MIEF2: variants seen among roughly 807,000 people sequenced by gnomAD.
The protein encoded by MIEF2 is mitochondrial elongation factor 2.
Under a neutral mutation model 7.4 loss-of-function variants are expected in MIEF2, and 1 was observed. That is an observed-to-expected ratio of 0.14 (90% CI 0.05 to 0.64). MIEF2 has a LOEUF of 0.64. MIEF2 is among the 30% of genes least tolerant of loss of function. The pLI is 0.85. For missense variants in MIEF2, 569 were observed against 623.9 expected, an observed-to-expected ratio of 0.91 and a Z score of 0.94; for synonymous variants, 275 against 290.5, an observed-to-expected ratio of 0.95 and a Z score of 0.54.
Position 18,262,881 on chromosome 17 carries a change from G to A in MIEF2, c.147+14G>A, listed in dbSNP as rs1402238421. ...GCCGTGAAGCGGGTAAGGCCAAGTGGGCGGGTCATGCCTGAAGCTCCTAGA... is the reference window on the plus strand; with the variant it reads ...GCCGTGAAGCGGGTAAGGCCAAGTGAGCGGGTCATGCCTGAAGCTCCTAGA... On this transcript the variant is annotated intron_variant, in intron 2 of 3. Coordinates refer to ENST00000323019, the MANE Select transcript of MIEF2 (RefSeq NM_139162.4). 2 of 1,532,946 alleles carry A rather than the reference G, an allele frequency of 1.3e-6. No homozygotes were observed. Among genetic ancestry groups the A allele is most frequent in the Non-Finnish European group, 1.8e-6 (2 of 1,139,688 alleles). 95.0% of individuals were successfully genotyped at this position (1,532,946 alleles called of 1,614,324 possible).
In MIEF2 at chr17:18,264,038, G is replaced by A; in HGVS notation, c.639G>A (p.Val213=). The part of the protein sequence containing the change: ...EPGLWSLVPG[V]DTVARDPRCW... ...GCCTGTGGAGCCTGGTGCCGGGCGT[G>A]GACACTGTGGCGAGGGACCCTCGCT... Residue 213 remains valine, a synonymous_variant, in exon 4 of 4, where the codon GTG becomes GTA. Coordinates refer to ENST00000323019, the MANE Select transcript of MIEF2 (RefSeq NM_139162.4). 6.4e-7 allele frequency: 1 copy of A among 1,555,148 alleles called. No individual in the cohort carries two copies. Among genetic ancestry groups the A allele is most frequent in the Non-Finnish European group, 8.7e-7 (1 of 1,154,146 alleles).
rs1207440142 is a variant in MIEF2 at position 18,265,791 on chromosome 17, G to A, written c.*1027G>A. The A allele has an allele frequency of 1.3e-5, 2 of 152,506 alleles. No homozygotes were observed. The highest frequency in any genetic ancestry group is 2.9e-5 in the Non-Finnish European group (2 of 68,054). The allele number at this position is 152,506 out of a possible 1,614,324, so 9.4% of individuals were successfully genotyped here. A position where few individuals can be genotyped will look rare whatever the true frequency, so the allele number is the denominator to read the frequency against. On this transcript the variant is annotated 3_prime_UTR_variant, in exon 4 of 4. Transcript: ENST00000323019. ...TCTAATGTATATATAACTCAGGCTGGATAAGGGAGTCTTGGTGCTTTCATA... is the reference window on the plus strand; with the variant it reads ...TCTAATGTATATATAACTCAGGCTGAATAAGGGAGTCTTGGTGCTTTCATA...
intron 1 of MIEF2, 128 bp downstream of exon 1, chr17:18,260,865 G>A (rs974434823): frequency 1.1e-5 from 6 of 526,410 alleles, no homozygotes; most frequent in Middle Eastern, 5.0e-4. Flanking sequence ...ACCTTTGGGG[G>A]ACCAAGGGCA....
At position 18,264,239 on chromosome 17, in the gene MIEF2, G is replaced by T; in HGVS notation, c.840G>T (p.Arg280=). 6.2e-7 allele frequency: 1 copy of T among 1,604,048 alleles called. No individual in the cohort carries two copies. The part of the protein sequence containing the change: ...AIGSLLGCLI[R]PSMASEELLL... ...GCAGCCTTCTCGGGTGCCTGATCCGGCCCAGCATGGCCTCGGAGGAGCTGC... is the reference window on the plus strand; with the variant it reads ...GCAGCCTTCTCGGGTGCCTGATCCGTCCCAGCATGGCCTCGGAGGAGCTGC... The change falls in exon 4 of 4, where the codon CGG becomes CGT. Residue 280 remains arginine, a synonymous_variant. Coordinates refer to ENST00000323019, the MANE Select transcript of MIEF2 (RefSeq NM_139162.4).
chr17:18,261,387 C>T (rs1482231202), intron 1 of MIEF2, among the ~76,000 whole-genome samples: 1 of 152,184 alleles, frequency 6.6e-6, no homozygotes, highest in East Asian at 1.9e-4. Context: ...CTTCAGGCTT[C>T]AGCTACTCCA....
At chr17:18,263,462 TC>T in intron 3 of MIEF2, 1 of 872,484 alleles carries the variant, frequency 1.1e-6, no homozygotes, top group Non-Finnish European at 1.9e-6. Context: ...GAAACTGAGG[TC>T]CAGAGGGGCG....
Position 18,264,590 on chromosome 17 carries a change from G to A in MIEF2, c.1191G>A (p.Leu397=). The A allele has an allele frequency of 6.2e-7, 1 of 1,610,906 alleles. No homozygotes were observed. The highest frequency in any genetic ancestry group is 1.1e-5 in the South Asian group (1 of 91,086). The change falls in exon 4 of 4, where the codon TTG becomes TTA. Residue 397 remains leucine, a synonymous_variant. Transcript: ENST00000323019. The part of the protein sequence containing the change: ...EDNVDWTEEA[L]GERFLQALEL... Reference sequence around the variant, plus strand: ...ACGTGGATTGGACGGAGGAGGCCTTGGGTGAGCGCTTCCTGCAAGCCCTGG... The same window carrying A: ...ACGTGGATTGGACGGAGGAGGCCTTAGGTGAGCGCTTCCTGCAAGCCCTGG...
At chr17:18,262,888 C>G (rs1257670199) in intron 2 of MIEF2, 21 bp downstream of exon 2, 48 of 1,530,672 alleles carry the variant, frequency 3.1e-5, no homozygotes, top group Non-Finnish European at 4.1e-5. Flanking sequence ...GTGGGCGGGT[C>G]ATGCCTGAAG....
At position 18,265,032 on chromosome 17, in the gene MIEF2, C is replaced by A; in HGVS notation, c.*268C>A. ...CATTCCTGCAAGCACCGTTTCAGCT[C>A]TTGGGGCCAACCCCAGGACCTTTGG... On this transcript the variant is annotated 3_prime_UTR_variant, in exon 4 of 4. Transcript: ENST00000323019. 2.3e-6 allele frequency: 1 copy of A among 439,714 alleles called. No individual in the cohort carries two copies. The highest frequency in any genetic ancestry group is 4.0e-6 in the Non-Finnish European group (1 of 251,028). 27.2% of individuals were successfully genotyped at this position (439,714 alleles called of 1,614,324 possible). A position where few individuals can be genotyped will look rare whatever the true frequency, so the allele number is the denominator to read the frequency against.
intron 3 of MIEF2, 108 bp from the exon 4 acceptor site, chr17:18,263,602 C>T (rs1457839431): frequency 7.2e-7 from 1 of 1,385,478 alleles, no homozygotes; most frequent in Non-Finnish European, 9.5e-7. Context: ...GGTGCCACTG[C>T]AGGTGAGAAA....
chr17:18,263,452 G>T (rs1978538524), intron 3 of MIEF2: 3 of 897,414 alleles, frequency 3.3e-6, no homozygotes, highest in Admixed American at 2.0e-5. Context: ...TTTAGATGGG[G>T]AAACTGAGGT....
Position 18,265,023 on chromosome 17 carries a change from G to A in MIEF2, c.*259G>A, listed in dbSNP as rs1978673381. 4.1e-6 allele frequency: 2 copies of A among 482,642 alleles called. No individual in the cohort carries two copies. The highest frequency in any genetic ancestry group is 7.0e-6 in the Non-Finnish European group (2 of 284,036). The allele number at this position is 482,642 out of a possible 1,614,324, so 29.9% of individuals were successfully genotyped here. The stretch of plus-strand genomic sequence containing the variant: ...AGTGCCAGCCATTCCTGCAAGCACC[G>A]TTTCAGCTCTTGGGGCCAACCCCAG... On this transcript the variant is annotated 3_prime_UTR_variant, in exon 4 of 4. Coordinates refer to ENST00000323019, the MANE Select transcript of MIEF2 (RefSeq NM_139162.4).
intron 1 of MIEF2, chr17:18,261,095 C>A (rs1216301143): frequency 4.5e-6 from 7 of 1,550,970 alleles, no homozygotes; most frequent in Non-Finnish European, 5.2e-6. Flanking sequence ...CTTCTCGGAG[C>A]TGGAAGGCTG....
In MIEF2 at chr17:18,261,563, C is replaced by T. The variant is rs150143262; in HGVS notation, c.-8+826C>T. Reference sequence around the variant, plus strand: ...GATGTCCTAAGGTCCCAGCCCTTCTCAGCTCCCAGGGCCTGAGGGCAGTGT... The same window carrying T: ...GATGTCCTAAGGTCCCAGCCCTTCTTAGCTCCCAGGGCCTGAGGGCAGTGT... On this transcript the variant is annotated intron_variant, in intron 1 of 3. Coordinates refer to ENST00000323019, the MANE Select transcript of MIEF2 (RefSeq NM_139162.4). Among the ~76,000 whole-genome samples, 12 of 152,338 alleles carry T rather than the reference C, an allele frequency of 7.9e-5. No individual in the cohort carries two copies. The East Asian group carries it at 2.3e-3, about 29-fold the overall frequency.
chr17:18,261,596 G>A (rs1261681013), intron 1 of MIEF2, among the ~76,000 whole-genome samples: 1 of 152,136 alleles, frequency 6.6e-6, no homozygotes, highest in Non-Finnish European at 1.5e-5. Context: ...TGTCCCCCTC[G>A]CAGAACGTGA....
chr17:18,264,428 A>C lies in MIEF2; in HGVS notation c.1029A>C (p.Arg343=). The change falls in exon 4 of 4, where the codon CGA becomes CGC. Residue 343 remains arginine (R), a synonymous_variant. Transcript: ENST00000323019. ...DLYPVEAARL[R]ALDDHDAGTR... ...ATCCAGTGGAGGCTGCTAGGCTGCG[A>C]GCCCTGGACGACCATGACGCTGGGA... 9 of 1,601,100 alleles carry C rather than the reference A, an allele frequency of 5.6e-6. No individual in the cohort carries two copies. The highest frequency in any genetic ancestry group is 7.6e-6 in the Non-Finnish European group (9 of 1,179,842).
Position 18,264,427 on chromosome 17 carries a change from G to C in MIEF2, c.1028G>C (p.Arg343Pro). ...TATCCAGTGGAGGCTGCTAGGCTGCGAGCCCTGGACGACCATGACGCTGGG... is the reference window on the plus strand; with the variant it reads ...TATCCAGTGGAGGCTGCTAGGCTGCCAGCCCTGGACGACCATGACGCTGGG... ...DLYPVEAARL[R>P]ALDDHDAGTR... Residue 343 changes from arginine to proline, a missense_variant, in exon 4 of 4, where the codon CGA (arginine) becomes CCA (proline). Coordinates refer to ENST00000323019, the MANE Select transcript of MIEF2 (RefSeq NM_139162.4). 6.2e-7 allele frequency: 1 copy of C among 1,601,106 alleles called. No homozygotes were observed. Among genetic ancestry groups the C allele is most frequent in the Non-Finnish European group, 8.5e-7 (1 of 1,179,856 alleles).
rs1383332439 is a variant in MIEF2 at position 18,265,758 on chromosome 17, G to GA, written c.*1000dup. ...TCGAAGATGTGAACAAGAATAAAAG[G>GA]AAAAAATTCTAATGTATATATAACT... On this transcript the variant is annotated 3_prime_UTR_variant, in exon 4 of 4. Coordinates refer to ENST00000323019, the MANE Select transcript of MIEF2 (RefSeq NM_139162.4). 6.6e-6 allele frequency: 1 copy of GA among 152,406 alleles called. No individual in the cohort carries two copies. The highest frequency in any genetic ancestry group is 2.4e-5 in the African/African-American group (1 of 41,438). The allele number at this position is 152,406 out of a possible 1,614,324, so 9.4% of individuals were successfully genotyped here.
At position 18,263,796 on chromosome 17, in the gene MIEF2, G is replaced by T; in HGVS notation, c.397G>T (p.Ala133Ser). 6.2e-7 allele frequency: 1 copy of T among 1,610,388 alleles called. No individual in the cohort carries two copies. Residue 133 changes from alanine to serine, a missense_variant, in exon 4 of 4, where the codon GCC becomes TCC. Ala to Ser is a moderately conservative substitution (Grantham distance 99). Coordinates refer to ENST00000323019, the MANE Select transcript of MIEF2 (RefSeq NM_139162.4). ...LCLTLQERLL[A>S]FERDRVTIPA... The stretch of plus-strand genomic sequence containing the variant: ...TCTGACACTGCAGGAGAGGCTGCTG[G>T]CCTTCGAGCGGGACCGTGTGACCAT...
Sources: gnomAD v4.1 joint callset for allele counts (sites outside exome capture counted in the v4.1 genomes callset) on GRCh38, gnomAD v4.1.1 for gene constraint, MANE v1.5 for transcripts, NCBI Gene and HGNC (gene_info 2026-07-23, HGNC 2026-07-21) for gene names.